ADCY7: variants seen among roughly 807,000 people sequenced by gnomAD.
The protein encoded by ADCY7 is adenylate cyclase 7.
A neutral mutation model predicts 120.6 loss-of-function variants in ADCY7; 72 were observed. The ratio of observed to expected loss-of-function variants is 0.60; its 90% CI spans 0.49 to 0.73. The LOEUF is 0.73. Among genes scored for constraint, ADCY7 ranks in the 30% least tolerant of loss-of-function variants. The pLI, the probability that ADCY7 is intolerant of heterozygous loss-of-function variation, is 0.00. For missense variants in ADCY7, 1,227 were observed against 1,486.0 expected (o/e 0.83, Z 2.87); for synonymous variants, 661 against 628.0 (o/e 1.05, Z -0.78).
chr16:50,300,629 C>A, intron 8 of ADCY7, 86 bp from the exon 9 acceptor site: 1 of 1,474,058 alleles, frequency 6.8e-7, no homozygotes, highest in Non-Finnish European at 9.1e-7. Context: ...TTCCCACATG[C>A]TGCCCTGTAC....
chr16:50,262,360 C>T (rs546844974), upstream of ADCY7, among the ~76,000 whole-genome samples: 113 of 151,860 alleles, frequency 7.4e-4, no homozygotes, highest in African/African-American at 2.5e-3. Context: ...TAGGCTCAAG[C>T]GATCCTCCCA....
chr16:50,294,085 T>A (rs2035182655), intron 6 of ADCY7, among the ~76,000 whole-genome samples: 1 of 152,220 alleles, frequency 6.6e-6, no homozygotes, highest in Non-Finnish European at 1.5e-5. Context: ...GGGCTGTGGA[T>A]GGTCCATGAG....
rs1344345768 is a variant in ADCY7, at chr16:50,316,243, G to A, written c.*738G>A. On this transcript the variant is annotated 3_prime_UTR_variant, in exon 26 of 26. Transcript: ENST00000673801. Reference sequence around the variant, plus strand: ...GGACTACTGTCTAGCATCAGCTTATGGGGTCAGCTGGCTGTGGGGATAGAG... The same window carrying A: ...GGACTACTGTCTAGCATCAGCTTATAGGGTCAGCTGGCTGTGGGGATAGAG... 1 of 152,400 alleles carries A rather than the reference G, an allele frequency of 6.6e-6. No individual in the cohort carries two copies. The highest frequency in any genetic ancestry group is 2.4e-5 in the African/African-American group (1 of 41,450). The allele number at this position is 152,400 out of a possible 1,614,324, so 9.4% of individuals were successfully genotyped here.
At chr16:50,294,521 G>C in intron 6 of ADCY7, 119 bp from the exon 7 acceptor site, 1 of 633,562 alleles carries the variant, frequency 1.6e-6, no homozygotes, top group African/African-American at 1.8e-5. Context: ...GAGGAAGGAC[G>C]GGGGTGAATG....
At position 50,304,925 on chromosome 16, in the gene ADCY7, A is replaced by G. The variant is rs2035962824; in HGVS notation, c.1561A>G (p.Ser521Gly). 4 of 1,613,296 alleles carry G rather than the reference A, an allele frequency of 2.5e-6. No individual in the cohort carries two copies. Among genetic ancestry groups the G allele is most frequent in the Non-Finnish European group, 3.4e-6 (4 of 1,179,940 alleles). The change falls in exon 12 of 26, where the codon AGC (serine) becomes GGC (glycine). Residue 521 changes from serine to glycine, a missense_variant and splice_region_variant. Ser to Gly is a moderately conservative substitution (Grantham distance 56). This residue lies in a region of ADCY7 where 332 missense variants were observed against 455.8 expected (regional missense o/e 0.73). Transcript: ENST00000673801. ...THVPNGRRPKSVPQRHRRTPD... is the reference protein window; with the variant it reads ...THVPNGRRPKGVPQRHRRTPD... ...TATCCTTTCCTCCCTTCCCTTTCAG[A>G]GCGTTCCCCAGCGCCACCGCCGGAC... is the stretch of plus-strand genomic sequence containing the variant.
chr16:50,294,795 T>C (rs376768521), intron 7 of ADCY7, 44 bp downstream of exon 7: 78 of 1,398,774 alleles, frequency 5.6e-5, no homozygotes, highest in Middle Eastern at 1.8e-4. Flanking sequence ...GCCCCTCCCC[T>C]GCCTATTACA....
chr16:50,278,522 T>C (rs2034045935), intron 1 of ADCY7, among the ~76,000 whole-genome samples: 1 of 152,222 alleles, frequency 6.6e-6, no homozygotes, highest in Non-Finnish European at 1.5e-5. Flanking sequence ...TCACGTGTCT[T>C]TTGATTGTGC....
chr16:50,312,204 G>T lies in ADCY7; in HGVS notation c.2604+13G>T. On this transcript the variant is annotated intron_variant, in intron 21 of 25. Coordinates refer to ENST00000673801, the MANE Select transcript of ADCY7 (RefSeq NM_001114.5). ...CAAGTTAAACGAGGTGTGCTGAGAA[G>T]GGGCTGGGGCGGGGGCAGGGAGGCG... 1 of 1,020,096 alleles carries T rather than the reference G, an allele frequency of 9.8e-7. No homozygotes were observed. 63.2% of individuals were successfully genotyped at this position (1,020,096 alleles called of 1,614,324 possible).
intron 1 of ADCY7, among the ~76,000 whole-genome samples, chr16:50,278,422 T>C (rs746977546): frequency 6.6e-6 from 1 of 152,230 alleles, no homozygotes; most frequent in Non-Finnish European, 1.5e-5. Context: ...TCTATTGGGC[T>C]ATTGGTCTTC....
intron 1 of ADCY7, among the ~76,000 whole-genome samples, chr16:50,253,969 GTCTCTGTCTC>G (rs1317816269): frequency 6.6e-6 from 1 of 152,130 alleles, no homozygotes; most frequent in African/African-American, 2.4e-5. Flanking sequence ...CTATCTGTCT[GTCTCTGTCTC>G]TCTCTGTCTG....
intron 1 of ADCY7, among the ~76,000 whole-genome samples, chr16:50,271,896 T>C (rs1346106421): frequency 2.0e-5 from 3 of 152,188 alleles, no homozygotes; most frequent in Admixed American, 6.5e-5. Flanking sequence ...TGAGCCCCTG[T>C]CTTGCTGTGG....
At chr16:50,291,616 G>C (rs1452668706) in intron 3 of ADCY7, 120 bp from the exon 4 acceptor site, 1 of 1,113,072 alleles carries the variant, frequency 9.0e-7, no homozygotes, top group East Asian at 2.5e-5. Flanking sequence ...CACGCAGGGG[G>C]TGGCGAGGGA....
chr16:50,305,630 C>T (rs368680961), intron 13 of ADCY7, 44 bp downstream of exon 13: 65 of 1,544,304 alleles, frequency 4.2e-5, no homozygotes, highest in Admixed American at 3.8e-4. Flanking sequence ...CTCTCCCCCT[C>T]GGATAGGGGT....
chr16:50,281,874 C>A (rs536382874), intron 1 of ADCY7, among the ~76,000 whole-genome samples: 3 of 152,320 alleles, frequency 2.0e-5, no homozygotes, highest in South Asian at 2.1e-4. Context: ...TGAGAGAGTT[C>A]GCGTTAATAT....
At position 50,315,610 on chromosome 16, in the gene ADCY7, G is replaced by A; in HGVS notation, c.*105G>A. On this transcript the variant is annotated 3_prime_UTR_variant, in exon 26 of 26. Coordinates refer to ENST00000673801, the MANE Select transcript of ADCY7 (RefSeq NM_001114.5). ...ACGCCAATCCCAAAGGCATGCAGAT[G>A]GCTGTGCATGTTGGCTTCTTTGGAC... 7.1e-7 allele frequency: 1 copy of A among 1,409,828 alleles called. No individual in the cohort carries two copies. Among genetic ancestry groups the A allele is most frequent in the Non-Finnish European group, 9.7e-7 (1 of 1,034,372 alleles). 87.3% of individuals were successfully genotyped at this position (1,409,828 alleles called of 1,614,324 possible).
At chr16:50,313,725 G>A (rs1567584930) in intron 22 of ADCY7, 2 of 547,220 alleles carry the variant, frequency 3.7e-6, no homozygotes, top group East Asian at 5.8e-5. Flanking sequence ...AGACACAGAT[G>A]GAAGGGAAGA....
chr16:50,296,409 G>A (rs942404572), intron 7 of ADCY7, among the ~76,000 whole-genome samples: 2 of 149,584 alleles, frequency 1.3e-5, no homozygotes, highest in Non-Finnish European at 3.0e-5. Flanking sequence ...GCCCAGGCTG[G>A]AGTGCAGTGG....
chr16:50,310,980 C>A (rs2036420720), intron 19 of ADCY7, 100 bp downstream of exon 19: 4 of 1,248,666 alleles, frequency 3.2e-6, no homozygotes, highest in Non-Finnish European at 4.4e-6. Context: ...GGGGAGTGGG[C>A]ACCTTGCAGG....
intron 8 of ADCY7, 117 bp from the exon 9 acceptor site, chr16:50,300,598 G>T (rs1023260047): frequency 8.0e-7 from 1 of 1,247,234 alleles, no homozygotes; most frequent in South Asian, 1.5e-5. Context: ...ATTCTCTCCC[G>T]TGGGCTGAGC....
Sources: allele counts gnomAD v4.1 joint callset (sites outside exome capture counted in the v4.1 genomes callset), GRCh38; gene constraint gnomAD v4.1.1; regional missense constraint gnomAD v4.1.1; transcripts MANE v1.5; gene names NCBI Gene and HGNC (gene_info 2026-07-23, HGNC 2026-07-21).